Variants in ADGRV1 observed in about 807,000 individuals in gnomAD.
The protein encoded by ADGRV1 is adhesion G protein-coupled receptor V1.
ADGRV1 carries 359 observed loss-of-function variants against 596.2 expected under a neutral mutation model. The observed-to-expected ratio is 0.60, with a 90% confidence interval of 0.55 to 0.66. ADGRV1 has a LOEUF of 0.66. ADGRV1 is among the 30% of genes least tolerant of loss of function. The pLI, the probability that ADGRV1 is intolerant of heterozygous loss-of-function variation, is 0.00. For missense variants in ADGRV1, 7,274 were observed against 7,575.6 expected, an observed-to-expected ratio of 0.96 and a Z score of 1.48; for synonymous variants, 2,681 against 2,679.2, an observed-to-expected ratio of 1.00 and a Z score of -0.02.
chr5:90,642,868 G>C lies in ADGRV1; in HGVS notation c.2380G>C (p.Val794Leu). Residue 794 changes from valine to leucine, a missense_variant, in exon 13 of 90, where the codon GTA (valine) becomes CTA (leucine). By Grantham distance (32) the Val-to-Leu change is conservative. This residue lies in a region of ADGRV1 where 1,715 missense variants were observed against 1,708.8 expected (regional missense o/e 1.00). Coordinates refer to ENST00000405460, the MANE Select transcript of ADGRV1 (RefSeq NM_032119.4). Reference sequence around the variant, plus strand: ...TTTGTTTTTAAAGGAAGGAGAATCTGTAGAGCTCCACATCATCCGATCAAG... The same window carrying C: ...TTTGTTTTTAAAGGAAGGAGAATCTCTAGAGCTCCACATCATCCGATCAAG... ...GPYVIKEGES[V>L]ELHIIRSRGS... The C allele has an allele frequency of 6.2e-7, 1 of 1,603,856 alleles. No homozygotes were observed. Among genetic ancestry groups the C allele is most frequent in the African/African-American group, 1.3e-5 (1 of 74,376 alleles).
chr5:91,123,801 C>T (rs908156362), intron 87 of ADGRV1, among the ~76,000 whole-genome samples: 1 of 152,044 alleles, frequency 6.6e-6, no homozygotes, highest in African/African-American at 2.4e-5. Context: ...GGCTAAATCA[C>T]AAAATAGACA....
At chr5:91,000,808 G>A (rs1328675360) in intron 85 of ADGRV1, among the ~76,000 whole-genome samples, 2 of 151,636 alleles carry the variant, frequency 1.3e-5, no homozygotes, top group Admixed American at 6.6e-5. Context: ...GAGGGCTGAT[G>A]TTTCAATTTG....
rs771468922 is a variant in ADGRV1 at position 90,840,711 on chromosome 5, C to T, written c.16745C>T (p.Thr5582Met). The change falls in exon 78 of 90, where the codon ACG (threonine) becomes ATG (methionine). Residue 5582 changes from threonine to methionine, a missense_variant. Transcript: ENST00000405460. Reference sequence around the variant, plus strand: ...AGCACTGTATTGGATGTCATCCTAACGCCAGAGACAGGATCTTTAAATTCA... The same window carrying T: ...AGCACTGTATTGGATGTCATCCTAATGCCAGAGACAGGATCTTTAAATTCA... The part of the protein sequence containing the change: ...QRSTVLDVIL[T>M]PETGSLNSFP... 2.4e-5 allele frequency: 39 copies of T among 1,613,904 alleles called. No homozygotes were observed. The highest frequency in any genetic ancestry group is 8.9e-5 in the East Asian group (4 of 44,900).
At chr5:90,895,727 C>T (rs1388973127) in intron 83 of ADGRV1, among the ~76,000 whole-genome samples, 1 of 152,154 alleles carries the variant, frequency 6.6e-6, no homozygotes, top group African/African-American at 2.4e-5. Context: ...GAAATAGCTT[C>T]TAATTTGCTG....
At chr5:90,746,382 G>A (rs997197305) in intron 52 of ADGRV1, among the ~76,000 whole-genome samples, 2 of 152,192 alleles carry the variant, frequency 1.3e-5, no homozygotes, top group Non-Finnish European at 1.5e-5. Flanking sequence ...CAAGCAAAAG[G>A]ACATCTATTA....
chr5:90,581,215 G>A (rs567441), intron 1 of ADGRV1, among the ~76,000 whole-genome samples: 84,955 of 151,958 alleles, frequency 0.56, 24,994 homozygotes, highest in African/African-American at 0.75. Context: ...CATTTAGCTC[G>A]GAGAAGTTTG....
intron 75 of ADGRV1, among the ~76,000 whole-genome samples, chr5:90,816,730 AG>A (rs1762935383): frequency 6.6e-6 from 1 of 151,940 alleles, no homozygotes; most frequent in South Asian, 2.1e-4. Flanking sequence ...GTCCCTACAA[AG>A]GACATGAACT....
At chr5:90,657,030 C>A (rs900557157) in intron 20 of ADGRV1, among the ~76,000 whole-genome samples, 1 of 152,022 alleles carries the variant, frequency 6.6e-6, no homozygotes, top group African/African-American at 2.4e-5. Context: ...AGAAATACTT[C>A]TTATGAATTC....
chr5:91,040,782 A>G (rs1785275248), intron 85 of ADGRV1, among the ~76,000 whole-genome samples: 1 of 152,194 alleles, frequency 6.6e-6, no homozygotes, highest in African/African-American at 2.4e-5. Flanking sequence ...TTGAAGAGTA[A>G]TTATGGAAGA....
intron 78 of ADGRV1, among the ~76,000 whole-genome samples, chr5:90,844,591 T>G (rs996912705): frequency 2.6e-5 from 4 of 152,232 alleles, no homozygotes; most frequent in Non-Finnish European, 4.4e-5. Flanking sequence ...AAGAGCAGTC[T>G]AAAACCCCCC....
At chr5:91,130,779 A>C (rs1456247647) in intron 87 of ADGRV1, among the ~76,000 whole-genome samples, 4 of 152,156 alleles carry the variant, frequency 2.6e-5, no homozygotes, top group African/African-American at 9.7e-5. Flanking sequence ...TTACCCCTTC[A>C]TCCTTCCCCC....
In ADGRV1 at chr5:90,672,272, A is replaced by C. The variant is rs35680172; in HGVS notation, c.4753-274A>C. On this transcript the variant is annotated intron_variant, in intron 21 of 89. Transcript: ENST00000405460. The stretch of plus-strand genomic sequence containing the variant: ...TATGGCACAGTGGTTGGAACACAGG[A>C]GGTATCAATGAATGAATTACTTGTG... 0.062 allele frequency among the ~76,000 whole-genome samples: 9,396 copies of C among 152,298 alleles called. 410 individuals carry two copies. Among genetic ancestry groups the C allele is most frequent in the Non-Finnish European group, 0.088 (6,019 of 68,014 alleles).
chr5:91,035,861 T>TATATAATATATA, intron 85 of ADGRV1, among the ~76,000 whole-genome samples: 6 of 96,392 alleles, frequency 6.2e-5, no homozygotes, highest in African/African-American at 1.9e-4. Context: ...TATATATATA[T>TATATAATATATA]TATATATATA....
In ADGRV1 at chr5:90,740,071, T is replaced by C. The variant is rs577950787; in HGVS notation, c.10550-4975T>C. On this transcript the variant is annotated intron_variant, in intron 50 of 89. Transcript: ENST00000405460. Reference sequence around the variant, plus strand: ...TAATTGCTGACCTGCTTTTAACTTCTAGCTTGGAGCGAAGTTAAGGAAAGT... The same window carrying C: ...TAATTGCTGACCTGCTTTTAACTTCCAGCTTGGAGCGAAGTTAAGGAAAGT... Among the ~76,000 whole-genome samples the C allele has an allele frequency of 2.0e-5, 3 of 152,332 alleles. No homozygotes were observed. The South Asian group carries it at 6.2e-4, about 32-fold the overall frequency.
At chr5:90,826,581 T>G (rs1764093001) in intron 76 of ADGRV1, among the ~76,000 whole-genome samples, 1 of 151,980 alleles carries the variant, frequency 6.6e-6, no homozygotes. Context: ...TTAGCACAGC[T>G]CTCGGCAGAG....
At position 91,042,075 on chromosome 5, in the gene ADGRV1, G is replaced by C. The variant is rs145810428; in HGVS notation, c.18153-30372G>C. On this transcript the variant is annotated intron_variant, in intron 85 of 89. Coordinates refer to ENST00000405460, the MANE Select transcript of ADGRV1 (RefSeq NM_032119.4). Reference sequence around the variant, plus strand: ...AGGCTCTTAGTTTTATTGATTTACTGTGATCTAATTAATCCATTCACCACT... The same window carrying C: ...AGGCTCTTAGTTTTATTGATTTACTCTGATCTAATTAATCCATTCACCACT... 3.3e-5 allele frequency among the ~76,000 whole-genome samples: 5 copies of C among 152,216 alleles called. No homozygotes were observed. The East Asian group carries it at 9.7e-4, about 29-fold the overall frequency.
At position 90,679,631 on chromosome 5, in the gene ADGRV1, T is replaced by C. The variant is rs371375835; in HGVS notation, c.5524+2T>C. The C allele has an allele frequency of 4.3e-6, 7 of 1,610,442 alleles. No homozygotes were observed. The highest frequency in any genetic ancestry group is 2.7e-5 in the African/African-American group (2 of 74,840). Reference sequence around the variant, plus strand: ...TCCTTCCAACTATTCACAAACGTGGTAAGCAGTTTTTCCAAGGTCCTTTAC... The same window carrying C: ...TCCTTCCAACTATTCACAAACGTGGCAAGCAGTTTTTCCAAGGTCCTTTAC... On this transcript the variant is annotated splice_donor_variant, in intron 26 of 89. Transcript: ENST00000405460. LOFTEE classifies it high-confidence loss of function.
chr5:90,604,573 G>A (rs1258754481), intron 1 of ADGRV1, among the ~76,000 whole-genome samples: 2 of 152,078 alleles, frequency 1.3e-5, no homozygotes, highest in African/African-American at 4.8e-5. Context: ...ACAAAATTAC[G>A]TTTGTTTGAG....
chr5:90,772,615 G>T (rs143501162), intron 59 of ADGRV1, among the ~76,000 whole-genome samples: 11 of 152,268 alleles, frequency 7.2e-5, no homozygotes, highest in Admixed American at 2.6e-4. Context: ...GTACATGTCT[G>T]CAAATTACCA....
Sources: gnomAD v4.1 joint callset for allele counts (sites outside exome capture counted in the v4.1 genomes callset) on GRCh38, gnomAD v4.1.1 for gene constraint, gnomAD v4.1.1 regional missense constraint, MANE v1.5 for transcripts, NCBI Gene and HGNC (gene_info 2026-07-23, HGNC 2026-07-21) for gene names.